Variants in PLS3 observed in about 807,000 individuals in gnomAD.
PLS3 encodes the protein plastin-3.
A neutral mutation model predicts 46.5 loss-of-function variants in PLS3; 11 were observed. The ratio of observed to expected loss-of-function variants is 0.24; its 90% CI spans 0.15 to 0.39. The LOEUF is 0.39. Ranked by LOEUF, PLS3 falls within the 10% of genes least tolerant of loss-of-function variation. PLS3 has a pLI of 1.00. For missense variants in PLS3, 308 were observed against 461.8 expected (o/e 0.67, Z 3.05); for synonymous variants, 167 against 162.2 (o/e 1.03, Z -0.22).
chrX:115,636,205 CTT>C (rs1403487429), intron 7 of PLS3, among the ~76,000 whole-genome samples: 2 of 84,179 alleles, frequency 2.4e-5, no homozygotes, highest in Non-Finnish European at 2.2e-5. Context: ...AAATCCCTGA[CTT>C]TTTTTTTTTT....
At chrX:115,629,713 A>G (rs2074745107) in intron 4 of PLS3, 122 bp from the exon 5 acceptor site, 2 of 465,209 alleles carry the variant, frequency 4.3e-6, no homozygotes, top group Admixed American at 3.8e-5. Context: ...TCCACACAGA[A>G]TAACCACATG....
chrX:115,604,818 T>A (rs2074475633), intron 1 of PLS3, among the ~76,000 whole-genome samples: 1 of 112,110 alleles, frequency 8.9e-6, no homozygotes, highest in African/African-American at 3.2e-5. Context: ...TTTTTTAATA[T>A]CTTCACTCAT....
chrX:115,603,043 G>T (rs1284512332), intron 1 of PLS3, among the ~76,000 whole-genome samples: 1 of 110,753 alleles, frequency 9.0e-6, no homozygotes, highest in Non-Finnish European at 1.9e-5. Context: ...AGGCACCCCC[G>T]TCCCCCTTCA....
chrX:115,607,197 G>GGT (rs2074501925), intron 1 of PLS3, among the ~76,000 whole-genome samples: 1 of 110,947 alleles, frequency 9.0e-6, no homozygotes, highest in African/African-American at 3.3e-5. Context: ...GGGAAGTCAA[G>GGT]GTCGCAGTAA....
chrX:115,613,422 A>T (rs970087779), intron 2 of PLS3, among the ~76,000 whole-genome samples: 5 of 109,614 alleles, frequency 4.6e-5, no homozygotes, highest in Admixed American at 9.8e-5. Flanking sequence ...ATGATGCCAC[A>T]AAAAAAAACA....
intron 1 of PLS3, among the ~76,000 whole-genome samples, chrX:115,599,746 C>A (rs1389642597): frequency 2.8e-5 from 3 of 108,015 alleles, no homozygotes; most frequent in Non-Finnish European, 5.7e-5. Context: ...AATTCTCCTG[C>A]CTCAGCCCCT....
At position 115,629,268 on chromosome X, in the gene PLS3, T is replaced by A; in HGVS notation, c.308T>A (p.Ile103Asn). 1 of 1,205,313 alleles carries A rather than the reference T, an allele frequency of 8.3e-7. No individual in the cohort carries two copies. Among genetic ancestry groups the A allele is most frequent in the Non-Finnish European group, 1.1e-6 (1 of 889,953 alleles). Reference protein sequence around the residue: ...FRKAINRKEGICALGGTSELS... With the variant: ...FRKAINRKEGNCALGGTSELS... The stretch of plus-strand genomic sequence containing the variant: ...AAAGCAATCAACAGGAAAGAAGGTA[T>A]TTGTGCTCTGGGTGGAACTTCAGAG... Residue 103 changes from isoleucine (I) to asparagine (N), a missense_variant, in exon 4 of 16, where the codon ATT becomes AAT. By Grantham distance (149) the Ile-to-Asn change is moderately radical. This residue lies in a region of PLS3 where 271 missense variants were observed against 435.7 expected (regional missense o/e 0.62). Coordinates refer to ENST00000355899, the MANE Select transcript of PLS3 (RefSeq NM_005032.7).
intron 7 of PLS3, 71 bp downstream of exon 7, chrX:115,635,117 C>G (rs2074817576): frequency 1.1e-6 from 1 of 913,820 alleles, no homozygotes; most frequent in Admixed American, 2.4e-5. Flanking sequence ...CTTTCGTGCT[C>G]TCACTTAATG....
chrX:115,632,555 T>A (rs1224671255), intron 5 of PLS3, among the ~76,000 whole-genome samples: 2 of 111,648 alleles, frequency 1.8e-5, no homozygotes, highest in East Asian at 5.6e-4. Flanking sequence ...GACTATAGCC[T>A]ACCTAATCTT....
At chrX:115,637,415 G>C (rs782317940) in intron 8 of PLS3, among the ~76,000 whole-genome samples, 2 of 111,149 alleles carry the variant, frequency 1.8e-5, no homozygotes, top group South Asian at 7.8e-4. Context: ...TGAGTTCCTC[G>C]AGGATAGCAA....
At chrX:115,618,959 G>T (rs1292634287) in intron 2 of PLS3, among the ~76,000 whole-genome samples, 1 of 112,494 alleles carries the variant, frequency 8.9e-6, no homozygotes, top group Non-Finnish European at 1.9e-5. Flanking sequence ...ATAGTTAAAA[G>T]AATAAGCTAT....
At position 115,621,234 on chromosome X, in the gene PLS3, C is replaced by G. The variant is rs782386966; in HGVS notation, c.74-1012C>G. On this transcript the variant is annotated intron_variant, in intron 2 of 15. Coordinates refer to ENST00000355899, the MANE Select transcript of PLS3 (RefSeq NM_005032.7). ...TTCACCATGTTGGCCAGGCTGGTCT[C>G]GAACTCCTGGCCTCAGGTGATCCAC... Among the ~76,000 whole-genome samples, 5 of 110,291 alleles carry G rather than the reference C, an allele frequency of 4.5e-5. No individual in the cohort carries two copies. In the Admixed American group the frequency reaches 4.8e-4, roughly 11 times the overall value.
intron 4 of PLS3, 29 bp downstream of exon 4, chrX:115,629,356 A>AC: frequency 8.6e-7 from 1 of 1,156,958 alleles, no homozygotes; most frequent in Non-Finnish European, 1.2e-6. Context: ...ATAGGTTAAC[A>AC]CAATGTGCTA....
chrX:115,613,826 G>GA (rs1252475864), intron 2 of PLS3, among the ~76,000 whole-genome samples: 1 of 111,947 alleles, frequency 8.9e-6, no homozygotes, highest in Non-Finnish European at 1.9e-5. Flanking sequence ...TCATGCACTA[G>GA]ATGCGTTCCT....
At chrX:115,620,707 T>TTTTTTTTTTTTTTTTTTTTTTTTG (rs2074643113) in intron 2 of PLS3, among the ~76,000 whole-genome samples, 1 of 67,169 alleles carries the variant, frequency 1.5e-5, no homozygotes, top group Non-Finnish European at 2.7e-5. Context: ...TTTTCTTTTC[T>TTTTTTTTTTTTTTTTTTTTTTTTG]TTTTTTTTTT....
chrX:115,647,438 A>C lies in PLS3; in HGVS notation c.1512-112A>C, dbSNP rs180874440. On this transcript the variant is annotated intron_variant, in intron 13 of 15. Coordinates refer to ENST00000355899, the MANE Select transcript of PLS3 (RefSeq NM_005032.7). ...GACAGAGCGAGACTCCGTCTCAAAA[A>C]AAAGAAGAAAAATTTAAGAAATATA... The C allele has an allele frequency of 1.6e-3, 1,250 of 806,389 alleles. 9 individuals carry two copies. The African/African-American group carries it at 0.023, about 15-fold the overall frequency. 66.5% of individuals were successfully genotyped at this position (806,389 alleles called of 1,213,427 possible). A position where few individuals can be genotyped will look rare whatever the true frequency, so the allele number is the denominator to read the frequency against.
chrX:115,642,023 C>T (rs1556641062), intron 9 of PLS3, among the ~76,000 whole-genome samples: 2 of 103,637 alleles, frequency 1.9e-5, no homozygotes, highest in Non-Finnish European at 3.9e-5. Flanking sequence ...TTCAGCTTTA[C>T]ACCTTCTTTA....
At chrX:115,628,394 G>A (rs1420034146) in intron 3 of PLS3, among the ~76,000 whole-genome samples, 23 of 112,238 alleles carry the variant, frequency 2.0e-4, no homozygotes, top group East Asian at 8.4e-4. Context: ...AGTTGTATAC[G>A]GTTTCTACAT....
intron 2 of PLS3, among the ~76,000 whole-genome samples, chrX:115,617,075 A>AG (rs1168326806): frequency 8.9e-6 from 1 of 111,969 alleles, no homozygotes; most frequent in Non-Finnish European, 1.9e-5. Flanking sequence ...AGTAAGACCC[A>AG]GGGGTTCCGT....
Sources: gnomAD v4.1 joint callset for allele counts (sites outside exome capture counted in the v4.1 genomes callset) on GRCh38, gnomAD v4.1.1 for gene constraint, gnomAD v4.1.1 regional missense constraint, MANE v1.5 for transcripts, NCBI Gene and HGNC (gene_info 2026-07-23, HGNC 2026-07-21) for gene names.